The following NBEAL1 variants were observed in gnomAD, a reference collection of about 807,000 sequenced individuals.
NBEAL1 encodes neurobeachin like 1, also known as neurobeachin-like protein 1.
A neutral mutation model predicts 351.3 loss-of-function variants in NBEAL1; 273 were observed. The observed-to-expected ratio is 0.78, with a 90% CI of 0.70 to 0.86. The LOEUF is 0.86. Ranked by LOEUF, NBEAL1 falls within the 40% of genes least tolerant of loss-of-function variation. The pLI is 0.00. For synonymous variants in NBEAL1, 1,050 were observed against 1,086.4 expected (o/e 0.97, Z 0.66); for missense variants, 2,961 against 3,201.3 (o/e 0.92, Z 1.81).
intron 51 of NBEAL1, among the ~76,000 whole-genome samples, chr2:203,203,453 G>GT (rs1205629286): frequency 6.6e-6 from 1 of 152,018 alleles, no homozygotes; most frequent in East Asian, 1.9e-4. Flanking sequence ...GGGATTATAG[G>GT]TATGAGCCAC....
chr2:203,083,582 C>G, intron 9 of NBEAL1, 57 bp downstream of exon 9: 1 of 1,331,070 alleles, frequency 7.5e-7, no homozygotes, highest in Admixed American at 2.8e-5. Context: ...TCATATCTAC[C>G]ACTTTCTTTT....
chr2:203,195,723 A>G (rs2065222394), intron 47 of NBEAL1, among the ~76,000 whole-genome samples: 1 of 152,200 alleles, frequency 6.6e-6, no homozygotes, highest in Non-Finnish European at 1.5e-5. Flanking sequence ...CATAAGATCT[A>G]CTTAATTCTT....
intron 38 of NBEAL1, among the ~76,000 whole-genome samples, chr2:203,168,021 T>A (rs2064190837): frequency 1.3e-5 from 2 of 152,362 alleles, no homozygotes; most frequent in East Asian, 3.9e-4. Flanking sequence ...CAATAACTAA[T>A]TTTCCATTCT....
chr2:203,086,170 G>A (rs948790240), intron 10 of NBEAL1: 1 of 152,116 alleles, frequency 6.6e-6, no homozygotes, highest in Admixed American at 6.6e-5. Flanking sequence ...TACGAAATAT[G>A]GAGAACAGAC....
At chr2:203,185,132 C>T (rs1168624358) in intron 44 of NBEAL1, among the ~76,000 whole-genome samples, 3 of 152,102 alleles carry the variant, frequency 2.0e-5, no homozygotes, top group Non-Finnish European at 2.9e-5. Context: ...CAGACATCCT[C>T]GCAGAAGTAT....
intron 7 of NBEAL1, among the ~76,000 whole-genome samples, chr2:203,072,259 TA>T (rs2061695905): frequency 6.6e-6 from 1 of 152,184 alleles, no homozygotes; most frequent in Non-Finnish European, 1.5e-5. Flanking sequence ...CTGTCCCCTT[TA>T]GTTCAAAATG....
rs557813993 is a variant in NBEAL1 at position 203,014,981 on chromosome 2, A to C, written c.-231A>C. ...GGCGGCGGCTGCCGCGCGGCACACA[A>C]TGTGAGCCCGGTGATGGGGAGCGGG... On this transcript the variant is annotated splice_region_variant and 5_prime_UTR_variant, in exon 1 of 56. Transcript: ENST00000683969. 4 of 152,170 alleles carry C rather than the reference A, an allele frequency of 2.6e-5. No individual in the cohort carries two copies. The highest frequency in any genetic ancestry group is 6.5e-5 in the Admixed American group (1 of 15,288). 9.4% of individuals were successfully genotyped at this position (152,170 alleles called of 1,614,324 possible). A position where few individuals can be genotyped will look rare whatever the true frequency, so the allele number is the denominator to read the frequency against.
intron 3 of NBEAL1, among the ~76,000 whole-genome samples, chr2:203,043,552 G>A (rs1403129370): frequency 6.6e-6 from 1 of 151,904 alleles, no homozygotes; most frequent in Non-Finnish European, 1.5e-5. Flanking sequence ...ACCAGCCTGG[G>A]CAACATGGCA....
intron 5 of NBEAL1, 62 bp from the exon 6 acceptor site, chr2:203,057,264 A>G: frequency 2.8e-6 from 4 of 1,421,790 alleles, no homozygotes; most frequent in Non-Finnish European, 1.9e-6. Flanking sequence ...TTGAATACAA[A>G]TGACTTATTG....
chr2:203,125,353 A>G lies in NBEAL1; in HGVS notation c.2684A>G (p.Asp895Gly), dbSNP rs2062914406. The G allele has an allele frequency of 2.7e-6, 4 of 1,496,928 alleles. No homozygotes were observed. The highest frequency in any genetic ancestry group is 2.7e-6 in the Non-Finnish European group (3 of 1,125,212). The allele number at this position is 1,496,928 out of a possible 1,614,324, so 92.7% of individuals were successfully genotyped here. A position where few individuals can be genotyped will look rare whatever the true frequency, so the allele number is the denominator to read the frequency against. Residue 895 changes from aspartate to glycine, a missense_variant and splice_region_variant, in exon 20 of 56, where the codon GAT (aspartate) becomes GGT (glycine). Asp to Gly is a moderately conservative substitution (Grantham distance 94, BLOSUM62 -1). Coordinates refer to ENST00000683969, the MANE Select transcript of NBEAL1 (RefSeq NM_001378026.1). ...GNKVVNWDIK[D>G]IINCIGGLNV... ...TAAACATTATAATTTTCCCTTTAGG[A>G]TATCATAAACTGCATAGGTGGGTTA... is the stretch of plus-strand genomic sequence containing the variant.
At chr2:203,114,064 C>A (rs372127013) in intron 17 of NBEAL1, among the ~76,000 whole-genome samples, 1 of 152,048 alleles carries the variant, frequency 6.6e-6, no homozygotes, top group African/African-American at 2.4e-5. Context: ...CCTTGTGATC[C>A]GCCCACCTCA....
chr2:203,070,357 CTCTTTTTTTTT>C, intron 7 of NBEAL1, among the ~76,000 whole-genome samples: 1 of 126,252 alleles, frequency 7.9e-6, no homozygotes, highest in East Asian at 2.0e-4. Flanking sequence ...CTCTCTCTCT[CTCTTTTTTTTT>C]TTTTTTTTTT....
chr2:203,065,525 G>A (rs2061568571), intron 6 of NBEAL1, among the ~76,000 whole-genome samples: 1 of 152,156 alleles, frequency 6.6e-6, no homozygotes, highest in South Asian at 2.1e-4. Context: ...GGCCGAGGCG[G>A]GTGGATCACA....
chr2:203,115,603 A>AT (rs946849524), intron 17 of NBEAL1, among the ~76,000 whole-genome samples: 5 of 150,778 alleles, frequency 3.3e-5, no homozygotes, highest in Non-Finnish European at 1.5e-5. Flanking sequence ...TAATTTTGAT[A>AT]TTTTTTTGTA....
In NBEAL1 at chr2:203,130,425, A is replaced by C. The variant is rs774258932; in HGVS notation, c.3513A>C (p.Ala1171=). 9.3e-6 allele frequency: 14 copies of C among 1,499,026 alleles called. No homozygotes were observed. In the East Asian group the frequency reaches 2.9e-4, roughly 31 times the overall value. 92.9% of individuals were successfully genotyped at this position (1,499,026 alleles called of 1,614,324 possible). A position where few individuals can be genotyped will look rare whatever the true frequency, so the allele number is the denominator to read the frequency against. The change falls in exon 25 of 56, where the codon GCA becomes GCC. Residue 1171 remains alanine, a synonymous_variant. Coordinates refer to ENST00000683969, the MANE Select transcript of NBEAL1 (RefSeq NM_001378026.1). ...FEPGNADILY[A]LLLNQKYSDR... is the part of the protein sequence containing the mutation. ...CAGGAAATGCTGACATACTGTACGC[A>C]TTGCTCTTAAATCAGAAGTACTCTG...
intron 19 of NBEAL1, among the ~76,000 whole-genome samples, chr2:203,122,565 G>T (rs1175926005): frequency 6.6e-6 from 1 of 152,174 alleles, no homozygotes; most frequent in Non-Finnish European, 1.5e-5. Context: ...GCTACAGCAG[G>T]TCTTTGGATA....
In NBEAL1 at chr2:203,079,154, A is replaced by C. The variant is rs187075725; in HGVS notation, c.684+1317A>C. 5.4e-3 allele frequency among the ~76,000 whole-genome samples: 825 copies of C among 152,236 alleles called. 4 individuals are homozygous for C. Among genetic ancestry groups the C allele is most frequent in the African/African-American group, 0.019 (774 of 41,540 alleles). The stretch of plus-strand genomic sequence containing the variant: ...GAGTGCAGTGGCTCTATCATGGCTC[A>C]CTGCAGCCTTGGCCTCCTGGCTCAG... On this transcript the variant is annotated intron_variant, in intron 8 of 55. Transcript: ENST00000683969.
At chr2:203,172,520 CA>C (rs1015447042) in intron 40 of NBEAL1, among the ~76,000 whole-genome samples, 1 of 146,696 alleles carries the variant, frequency 6.8e-6, no homozygotes, top group African/African-American at 2.5e-5. Context: ...GACTTTGTCT[CA>C]AAAAAAAAGA....
At chr2:203,174,763 C>T (rs1295477556) in intron 41 of NBEAL1, among the ~76,000 whole-genome samples, 2 of 151,740 alleles carry the variant, frequency 1.3e-5, no homozygotes, top group Non-Finnish European at 2.9e-5. Flanking sequence ...TGGTGGCAGG[C>T]ACCTGTAGTC....
Sources: gnomAD v4.1 joint callset for allele counts (sites outside exome capture counted in the v4.1 genomes callset) on GRCh38, gnomAD v4.1.1 for gene constraint, MANE v1.5 for transcripts, NCBI Gene and HGNC (gene_info 2026-07-23, HGNC 2026-07-21) for gene names.